TNS1: variants seen among roughly 807,000 people sequenced by gnomAD.
TNS1 encodes the protein tensin-1.
Under a neutral mutation model 168.6 loss-of-function variants are expected in TNS1, and 62 were observed. That is an observed-to-expected ratio of 0.37 (90% confidence interval 0.30 to 0.45). The LOEUF is 0.45. Ranked by LOEUF, TNS1 falls within the 20% of genes least tolerant of loss-of-function variation. The pLI is 1.00. For missense variants in TNS1, 2,240 were observed against 2,339.4 expected, an observed-to-expected ratio of 0.96 and a Z score of 0.88; for synonymous variants, 934 against 933.2, an observed-to-expected ratio of 1.00 and a Z score of -0.02.
At chr2:217,821,390 G>A (rs1050069155) in intron 23 of TNS1, among the ~76,000 whole-genome samples, 2 of 152,172 alleles carry the variant, frequency 1.3e-5, no homozygotes, top group East Asian at 3.8e-4. Context: ...CAAAGTGCCA[G>A]GTACCTAGGA....
At chr2:217,963,141 A>T (rs1957540275) in intron 3 of TNS1, among the ~76,000 whole-genome samples, 1 of 152,190 alleles carries the variant, frequency 6.6e-6, no homozygotes, top group African/African-American at 2.4e-5. Flanking sequence ...TTCAAGAATT[A>T]AGTCCTTGGA....
Position 217,818,442 on chromosome 2 carries a change from G to A in TNS1, c.3890C>T (p.Pro1297Leu). 6.2e-7 allele frequency: 1 copy of A among 1,614,148 alleles called. No homozygotes were observed. The highest frequency in any genetic ancestry group is 8.5e-7 in the Non-Finnish European group (1 of 1,180,004). ...RTVGTNTPPSPGFGWRAINPS... is the reference protein window; with the variant it reads ...RTVGTNTPPSLGFGWRAINPS... ...ATTGATGGCCCGCCAGCCGAAGCCA[G>A]GACTAGGGGGAGTGTTGGTGCCCAC... Residue 1297 changes from proline (P) to leucine (L), a missense_variant, in exon 24 of 33, where the codon CCT becomes CTT. Coordinates refer to ENST00000682258, the MANE Select transcript of TNS1 (RefSeq NM_001387777.1).
At chr2:217,889,756 C>G (rs1951557902) in intron 12 of TNS1, among the ~76,000 whole-genome samples, 1 of 152,212 alleles carries the variant, frequency 6.6e-6, no homozygotes, top group South Asian at 2.1e-4. Context: ...GATTCAGCAC[C>G]ATGTCACCAG....
rs1364620622 is a variant in TNS1 at position 217,835,932 on chromosome 2, G to A, written c.3204+83C>T. The A allele has an allele frequency of 2.4e-6, 3 of 1,254,376 alleles. No homozygotes were observed. In the African/African-American group the frequency reaches 4.5e-5, roughly 19 times the overall value. 77.7% of individuals were successfully genotyped at this position (1,254,376 alleles called of 1,614,324 possible). ...AATCACTGAGTATACTGATATCAGT[G>A]CCAAGTTGACCATCAGGTTTCTGGA... On this transcript the variant is annotated intron_variant, in intron 20 of 32. Transcript: ENST00000682258.
At chr2:218,007,362 G>A (rs1198808052), upstream of TNS1, among the ~76,000 whole-genome samples, 1 of 152,206 alleles carries the variant, frequency 6.6e-6, no homozygotes, top group African/African-American at 2.4e-5. Flanking sequence ...GGCACATAGA[G>A]GTTCAGCAAC....
rs560507390 is a variant in TNS1, at chr2:217,954,495, A to G, written c.186+24270T>C. Among the ~76,000 whole-genome samples, 3 of 152,304 alleles carry G rather than the reference A, an allele frequency of 2.0e-5. No individual in the cohort carries two copies. The South Asian group carries it at 6.2e-4, about 32-fold the overall frequency. On this transcript the variant is annotated intron_variant, in intron 3 of 32. Transcript: ENST00000682258. ...GGTTTATTCCTCCTGGTAACTAAGC[A>G]GGTACTGTGATTATCACCATGATAA...
chr2:217,851,440 TAC>T (rs3838563), intron 18 of TNS1, among the ~76,000 whole-genome samples: 2,253 of 139,354 alleles, frequency 0.016, 44 homozygotes, highest in African/African-American at 0.043. Flanking sequence ...TGCATCCCTC[TAC>T]ACACACACAC....
rs777770567 is a variant in TNS1 at position 217,847,850 on chromosome 2, A to C, written c.2667T>G (p.Ser889=). ...RQSHPLTQSR[S]GYIPSGHSLG... ...ACGAATGCCCACTGGGGATATAGCC[A>C]GATCTGGACTGGGTCAGTGGATGGG... Residue 889 remains serine, a synonymous_variant, in exon 19 of 33, where the codon TCT becomes TCG. Coordinates refer to ENST00000682258, the MANE Select transcript of TNS1 (RefSeq NM_001387777.1). 1 of 1,584,844 alleles carries C rather than the reference A, an allele frequency of 6.3e-7. No individual in the cohort carries two copies. The highest frequency in any genetic ancestry group is 1.3e-5 in the African/African-American group (1 of 74,462).
chr2:217,932,202 T>C (rs1452649363), intron 3 of TNS1, among the ~76,000 whole-genome samples: 1 of 152,152 alleles, frequency 6.6e-6, no homozygotes, highest in African/African-American at 2.4e-5. Context: ...TCCAGATTCC[T>C]GAACACACTA....
At chr2:218,002,107 C>G (rs560928346) in intron 1 of TNS1, among the ~76,000 whole-genome samples, 6 of 152,320 alleles carry the variant, frequency 3.9e-5, no homozygotes, top group African/African-American at 1.4e-4. Context: ...CCAGGAGCCT[C>G]AGCCCAGGTC....
At chr2:217,907,457 A>G (rs1334018709) in intron 4 of TNS1, among the ~76,000 whole-genome samples, 1 of 152,216 alleles carries the variant, frequency 6.6e-6, no homozygotes, top group Non-Finnish European at 1.5e-5. Flanking sequence ...TAGTGCTAGA[A>G]CCATCTGGTT....
rs61737669 is a variant in TNS1, at chr2:217,885,127, C to T, written c.1154G>A (p.Arg385Gln). The stretch of plus-strand genomic sequence containing the variant: ...GAACTGCACACGGAAGATGACGTCT[C>T]GGGCTGGGCTTCGGAACTTCTTGTG... ...CYHKKFRSPARDVIFRVQFHT... is the reference protein window; with the variant it reads ...CYHKKFRSPAQDVIFRVQFHT... Residue 385 changes from arginine to glutamine, a missense_variant, in exon 16 of 33, where the codon CGA becomes CAA. Physicochemically the swap from Arg to Gln is conservative, Grantham distance 43. This residue lies in a region of TNS1 where 2,131 missense variants were observed against 2,171.2 expected (regional missense o/e 0.98). Transcript: ENST00000682258. 1.3e-5 allele frequency: 21 copies of T among 1,614,226 alleles called. No homozygotes were observed. Among genetic ancestry groups the T allele is most frequent in the Admixed American group, 8.3e-5 (5 of 60,032 alleles).
chr2:217,987,480 A>G (rs1179550076), intron 2 of TNS1, among the ~76,000 whole-genome samples: 1 of 152,022 alleles, frequency 6.6e-6, no homozygotes, highest in Non-Finnish European at 1.5e-5. Flanking sequence ...TGGCCATATT[A>G]CATCAAATGG....
At chr2:217,892,322 G>A (rs913988232) in intron 11 of TNS1, among the ~76,000 whole-genome samples, 15 of 152,120 alleles carry the variant, frequency 9.9e-5, no homozygotes, top group African/African-American at 2.7e-4. Flanking sequence ...GGCTGGTCTC[G>A]AACTTCTGAC....
chr2:217,830,144 G>C (rs1475036001), intron 22 of TNS1: 1 of 448,470 alleles, frequency 2.2e-6, no homozygotes, highest in Non-Finnish European at 2.9e-6. Context: ...GCATAGTTGA[G>C]TCCCCGGCTC....
At chr2:217,804,690 T>C in intron 32 of TNS1, 87 bp from the exon 33 acceptor site, 1 of 1,546,314 alleles carries the variant, frequency 6.5e-7, no homozygotes, top group South Asian at 1.2e-5. Flanking sequence ...CAAGCTGGTC[T>C]CAGGCCAACC....
In TNS1 at chr2:217,882,385, C is replaced by T. The variant is rs776981935; in HGVS notation, c.1273G>A (p.Val425Met). 1 of 1,605,934 alleles carries T rather than the reference C, an allele frequency of 6.2e-7. No individual in the cohort carries two copies. The highest frequency in any genetic ancestry group is 1.3e-5 in the African/African-American group (1 of 74,668). Residue 425 changes from valine to methionine, a missense_variant, in exon 17 of 33, where the codon GTG (valine) becomes ATG (methionine). Physicochemically the swap from Val to Met is conservative, Grantham distance 21. Around this residue, in one of 2 missense-constraint regions of TNS1, gnomAD observed 2,131 missense variants for 2,171.2 expected, o/e 0.98. Transcript: ENST00000682258. ...GGCCCATAAGAAAATACAAACTCCA[C>T]TTTGCCATACTCTGGAAATCGATCA... ...KDDRFPEYGKVEFVFSYGPEK... is the reference protein window; with the variant it reads ...KDDRFPEYGKMEFVFSYGPEK...
intron 22 of TNS1, among the ~76,000 whole-genome samples, chr2:217,828,129 A>G (rs534330473): frequency 6.6e-6 from 1 of 152,308 alleles, no homozygotes; most frequent in East Asian, 1.9e-4. Context: ...CCAGCTTGGG[A>G]GAAAGCCCTT....
At chr2:217,840,056 G>T (rs1026431250) in intron 19 of TNS1, among the ~76,000 whole-genome samples, 7 of 152,252 alleles carry the variant, frequency 4.6e-5, no homozygotes, top group African/African-American at 1.7e-4. Context: ...AAAGGAGGGA[G>T]GGGCGGTTGA....
Sources: gnomAD v4.1 joint callset for allele counts (sites outside exome capture counted in the v4.1 genomes callset) on GRCh38, gnomAD v4.1.1 for gene constraint, gnomAD v4.1.1 regional missense constraint, MANE v1.5 for transcripts, NCBI Gene and HGNC (gene_info 2026-07-23, HGNC 2026-07-21) for gene names.